The following STARD9 variants were observed in gnomAD, a reference collection of about 807,000 sequenced individuals.
STARD9 encodes stAR-related lipid transfer protein 9.
STARD9 carries 346 observed loss-of-function variants against 399.8 expected under a neutral mutation model. The ratio of observed to expected loss-of-function variants is 0.87; its 90% CI spans 0.79 to 0.95. STARD9 has a LOEUF of 0.95. STARD9 is among the 40% of genes least tolerant of loss of function. The pLI is 0.00. For synonymous variants in STARD9, 2,203 were observed against 2,143.5 expected, an observed-to-expected ratio of 1.03 and a Z score of -0.77; for missense variants, 5,832 against 5,667.5, an observed-to-expected ratio of 1.03 and a Z score of -0.93.
At chr15:42,709,595 G>C (rs185207248) in intron 26 of STARD9, among the ~76,000 whole-genome samples, 3 of 152,336 alleles carry the variant, frequency 2.0e-5, no homozygotes, top group Admixed American at 6.5e-5. Context: ...TGAGACAGGA[G>C]AATAGTTTGA....
chr15:42,690,282 G>A lies in STARD9; in HGVS notation c.8704G>A (p.Asp2902Asn). 1 of 1,537,372 alleles carries A rather than the reference G, an allele frequency of 6.5e-7. No homozygotes were observed. The change falls in exon 23 of 33, where the codon GAT becomes AAT. Residue 2902 changes from aspartate to asparagine, a missense_variant. Asp to Asn is a conservative substitution (Grantham distance 23). Transcript: ENST00000290607. ...ACATTCCAGGCCAATTCCACTGCCA[G>A]ATCAAAGACCAAGCGCAAATCCTGG... ...SKHSRPIPLPDQRPSANPGGI... is the reference protein window; with the variant it reads ...SKHSRPIPLPNQRPSANPGGI...
At chr15:42,621,620 C>T (rs1469808041) in intron 3 of STARD9, among the ~76,000 whole-genome samples, 2 of 152,196 alleles carry the variant, frequency 1.3e-5, no homozygotes, top group Admixed American at 1.3e-4. Flanking sequence ...TTCATTTGAA[C>T]ACAGTTTGAA....
rs79114507 is a variant in STARD9, at chr15:42,638,438, G to A, written c.447-262G>A. 2.8e-3 allele frequency among the ~76,000 whole-genome samples: 420 copies of A among 152,144 alleles called. 12 individuals are homozygous for A. The East Asian group carries it at 0.064, about 23-fold the overall frequency. On this transcript the variant is annotated intron_variant, in intron 6 of 32. Transcript: ENST00000290607. ...GCTGGGTGCGGTGAATCTGGGAGGC[G>A]GAGGTTGCAGTGAGCCAAGATTGTG...
In STARD9 at chr15:42,685,934, C is replaced by T; in HGVS notation, c.4356C>T (p.Gly1452=). The part of the protein sequence containing the change: ...GRCIPDMTQQ[G]SSEASHNSSV... Reference sequence around the variant, plus strand: ...GTATCCCTGACATGACCCAGCAGGGCAGCTCTGAAGCATCCCACAATTCTA... The same window carrying T: ...GTATCCCTGACATGACCCAGCAGGGTAGCTCTGAAGCATCCCACAATTCTA... Residue 1452 remains glycine (G), a synonymous_variant, in exon 23 of 33, where the codon GGC becomes GGT. Coordinates refer to ENST00000290607, the MANE Select transcript of STARD9 (RefSeq NM_020759.3). 1.3e-6 allele frequency: 2 copies of T among 1,537,226 alleles called. No individual in the cohort carries two copies. The highest frequency in any genetic ancestry group is 8.7e-7 in the Non-Finnish European group (1 of 1,146,914).
chr15:42,595,486 G>A (rs186133972), intron 3 of STARD9, among the ~76,000 whole-genome samples: 95 of 152,264 alleles, frequency 6.2e-4, no homozygotes, highest in African/African-American at 2.3e-3. Context: ...TTCAATTAAA[G>A]GTTCAATGTA....
At chr15:42,591,609 C>T (rs1399137432) in intron 3 of STARD9, among the ~76,000 whole-genome samples, 1 of 152,106 alleles carries the variant, frequency 6.6e-6, no homozygotes, top group African/African-American at 2.4e-5. Context: ...TGGAACAGAC[C>T]CAGGCTTCCT....
In STARD9 at chr15:42,685,249, C is replaced by G; in HGVS notation, c.3671C>G (p.Pro1224Arg). 1.3e-6 allele frequency: 2 copies of G among 1,537,468 alleles called. No individual in the cohort carries two copies. Among genetic ancestry groups the G allele is most frequent in the South Asian group, 2.4e-5 (2 of 84,062 alleles). ...LGEDQQEEPFPGSADEIPTET... is the reference protein window; with the variant it reads ...LGEDQQEEPFRGSADEIPTET... Reference sequence around the variant, plus strand: ...GAAGATCAGCAAGAAGAACCTTTCCCTGGTTCAGCTGACGAGATACCCACA... The same window carrying G: ...GAAGATCAGCAAGAAGAACCTTTCCGTGGTTCAGCTGACGAGATACCCACA... The change falls in exon 23 of 33, where the codon CCT (proline) becomes CGT (arginine). Residue 1224 changes from proline to arginine, a missense_variant. Pro to Arg is a moderately radical substitution (Grantham distance 103, BLOSUM62 -2). Coordinates refer to ENST00000290607, the MANE Select transcript of STARD9 (RefSeq NM_020759.3).
At position 42,583,406 on chromosome 15, in the gene STARD9, G is replaced by A. The variant is rs1308881978; in HGVS notation, c.108G>A (p.Arg36=). 6.5e-7 allele frequency: 1 copy of A among 1,536,336 alleles called. No individual in the cohort carries two copies. The highest frequency in any genetic ancestry group is 8.7e-7 in the Non-Finnish European group (1 of 1,146,096). Residue 36 remains arginine (R), a synonymous_variant, in exon 2 of 33, where the codon AGG becomes AGA. Coordinates refer to ENST00000290607, the MANE Select transcript of STARD9 (RefSeq NM_020759.3). ...TTGATGGCAAAGTGGCAAAAATCAG[G>A]AATTTAAAGGTAAGCCTGAAATTGT... is the stretch of plus-strand genomic sequence containing the variant. The part of the protein sequence containing the change: ...VEVDGKVAKI[R]NLKVDNRPDG...
rs1362724585 is a variant in STARD9 at position 42,663,294 on chromosome 15, A to C, written c.882A>C (p.Gln294His). ...IVISTLAQNS[Q>H]VFSSCQSLNS... Reference sequence around the variant, plus strand: ...TCATCTTTTAAGCCCAGAACTCCCAAGTTTTCAGCAGCTGCCAGAGCCTCA... The same window carrying C: ...TCATCTTTTAAGCCCAGAACTCCCACGTTTTCAGCAGCTGCCAGAGCCTCA... Residue 294 changes from glutamine to histidine, a missense_variant, in exon 12 of 33, where the codon CAA becomes CAC. Transcript: ENST00000290607. 1 of 1,532,430 alleles carries C rather than the reference A, an allele frequency of 6.5e-7. No homozygotes were observed. The highest frequency in any genetic ancestry group is 2.0e-5 in the Admixed American group (1 of 50,730). The allele number at this position is 1,532,430 out of a possible 1,614,324, so 94.9% of individuals were successfully genotyped here. A position where few individuals can be genotyped will look rare whatever the true frequency, so the allele number is the denominator to read the frequency against.
At chr15:42,678,915 T>A (rs2060367425) in intron 20 of STARD9, among the ~76,000 whole-genome samples, 1 of 152,242 alleles carries the variant, frequency 6.6e-6, no homozygotes, top group African/African-American at 2.4e-5. Flanking sequence ...GTGCGGCCTC[T>A]TGGGTGAATG....
In STARD9 at chr15:42,691,723, G is replaced by C; in HGVS notation, c.10145G>C (p.Ser3382Thr). 6.5e-7 allele frequency: 1 copy of C among 1,537,274 alleles called. No homozygotes were observed. The highest frequency in any genetic ancestry group is 1.4e-5 in the African/African-American group (1 of 73,178). Residue 3382 changes from serine (S) to threonine (T), a missense_variant, in exon 23 of 33, where the codon AGC (serine) becomes ACC (threonine). This residue lies in a region of STARD9 where 5,828 missense variants were observed against 5,651.1 expected (regional missense o/e 1.03). Coordinates refer to ENST00000290607, the MANE Select transcript of STARD9 (RefSeq NM_020759.3). ...AGAACATCTCTGCAGGCTGAGGACAGCAATCAGAAAGCCTCATCTCGCTTG... is the reference window on the plus strand; with the variant it reads ...AGAACATCTCTGCAGGCTGAGGACACCAATCAGAAAGCCTCATCTCGCTTG... ...VARTSLQAED[S>T]NQKASSRLDD...
chr15:42,713,897 G>C (rs2061300059), intron 26 of STARD9, among the ~76,000 whole-genome samples: 1 of 152,100 alleles, frequency 6.6e-6, no homozygotes, highest in Non-Finnish European at 1.5e-5. Flanking sequence ...TGGCCCTATA[G>C]AATGAGTTGG....
intron 26 of STARD9, among the ~76,000 whole-genome samples, chr15:42,713,048 A>ATCTTAATATT (rs1323459563): frequency 1.3e-5 from 2 of 152,214 alleles, no homozygotes; most frequent in East Asian, 3.8e-4. Flanking sequence ...GAGCATTGCT[A>ATCTTAATATT]TCTTAATATT....
At chr15:42,670,293 G>A (rs1222024809) in intron 16 of STARD9, 2 of 152,198 alleles carry the variant, frequency 1.3e-5, no homozygotes, top group Non-Finnish European at 2.9e-5. Context: ...TAGTGTGATG[G>A]TGGGGGAAGA....
chr15:42,628,656 A>G (rs1595669041), intron 3 of STARD9, among the ~76,000 whole-genome samples: 1 of 152,168 alleles, frequency 6.6e-6, no homozygotes, highest in Non-Finnish European at 1.5e-5. Flanking sequence ...GTGGATATCC[A>G]GTTTTCCCAG....
rs551008074 is a variant in STARD9 at position 42,696,467 on chromosome 15, G to A, written c.13284+587G>A. ...CGAGATGGGAAAATGACATGAGAAG[G>A]GACTAGAAAATCATGTGGACTATAA... is the stretch of plus-strand genomic sequence containing the variant. On this transcript the variant is annotated intron_variant, in intron 26 of 32. Coordinates refer to ENST00000290607, the MANE Select transcript of STARD9 (RefSeq NM_020759.3). Among the ~76,000 whole-genome samples the A allele has an allele frequency of 8.5e-5, 13 of 152,180 alleles. No homozygotes were observed. The East Asian group carries it at 9.7e-4, about 11-fold the overall frequency.
In STARD9 at chr15:42,684,315, A is replaced by C. The variant is rs762496105; in HGVS notation, c.2737A>C (p.Lys913Gln). ...PCTARAALAR[K>Q]GASAPDACLT... is the part of the protein sequence containing the mutation. ...CACAGCCAGAGCAGCCTTGGCCAGGAAGGGAGCCTCAGCTCCAGACGCTTG... is the reference window on the plus strand; with the variant it reads ...CACAGCCAGAGCAGCCTTGGCCAGGCAGGGAGCCTCAGCTCCAGACGCTTG... The change falls in exon 23 of 33, where the codon AAG becomes CAG. Residue 913 changes from lysine (K) to glutamine (Q), a missense_variant. By Grantham distance (53) the Lys-to-Gln change is moderately conservative. This residue lies in a region of STARD9 where 5,828 missense variants were observed against 5,651.1 expected (regional missense o/e 1.03). Transcript: ENST00000290607. The C allele has an allele frequency of 8.5e-6, 13 of 1,536,672 alleles. No individual in the cohort carries two copies. The highest frequency in any genetic ancestry group is 1.4e-5 in the African/African-American group (1 of 73,054).
intron 24 of STARD9, 33 bp from the exon 25 acceptor site, chr15:42,695,107 A>G: frequency 6.7e-7 from 1 of 1,495,632 alleles, no homozygotes; most frequent in Non-Finnish European, 8.9e-7. Context: ...TCACCCACCC[A>G]CCATGTTCTT....
intron 9 of STARD9, among the ~76,000 whole-genome samples, chr15:42,659,914 C>T (rs28811114): frequency 0.26 from 39,309 of 151,920 alleles, 5,773 homozygotes; most frequent in African/African-American, 0.39. Context: ...GAAAGATGTG[C>T]ACAAATATCC....
Sources: gnomAD v4.1 joint callset for allele counts (sites outside exome capture counted in the v4.1 genomes callset) on GRCh38, gnomAD v4.1.1 for gene constraint, gnomAD v4.1.1 regional missense constraint, MANE v1.5 for transcripts, NCBI Gene and HGNC (gene_info 2026-07-23, HGNC 2026-07-21) for gene names.